The following MRTFB variants were observed in gnomAD, a reference collection of about 807,000 sequenced individuals.
MRTFB encodes the protein myocardin related transcription factor B.
Under a neutral mutation model 104.2 loss-of-function variants are expected in MRTFB, and 29 were observed. The observed-to-expected ratio is 0.28, with a 90% CI of 0.21 to 0.38. MRTFB has a LOEUF of 0.38. Among genes scored for constraint, MRTFB ranks in the 10% least tolerant of loss-of-function variants. The probability of loss-of-function intolerance (pLI) is 1.00; values close to 1 mark genes in which losing one functional copy is unlikely to be tolerated. For missense variants in MRTFB, 1,270 were observed against 1,341.6 expected, an observed-to-expected ratio of 0.95 and a Z score of 0.83; for synonymous variants, 535 against 519.5, an observed-to-expected ratio of 1.03 and a Z score of -0.41.
At chr16:14,017,617 A>G in the MRTFB span, among the ~76,000 whole-genome samples, 7 of 85,848 alleles carry the variant, frequency 8.2e-5, no homozygotes, top group South Asian at 3.3e-4. Flanking sequence ...ATATATATAT[A>G]TATATATATA....
At chr16:14,254,305 C>T (rs1241647611) in intron 15 of MRTFB, among the ~76,000 whole-genome samples, 1 of 152,208 alleles carries the variant, frequency 6.6e-6, no homozygotes, top group Non-Finnish European at 1.5e-5. Context: ...TGGGTCATAA[C>T]AAAAAGCAAC....
intron 2 of MRTFB, among the ~76,000 whole-genome samples, chr16:14,105,486 C>T (rs972090669): frequency 6.6e-6 from 1 of 152,006 alleles, no homozygotes; most frequent in Non-Finnish European, 1.5e-5. Context: ...CAGCCTTAAA[C>T]TCCTGTGCTC....
At chr16:14,069,220 G>T (rs1202047060), upstream of MRTFB, among the ~76,000 whole-genome samples, 2 of 152,034 alleles carry the variant, frequency 1.3e-5, no homozygotes, top group South Asian at 2.1e-4. Context: ...ATCCACCTGC[G>T]TCAGCCTCCC....
intron 11 of MRTFB, 113 bp downstream of exon 11, chr16:14,245,773 A>G (rs1016689654): frequency 4.3e-6 from 5 of 1,158,064 alleles, no homozygotes; most frequent in Admixed American, 2.5e-5. Context: ...CAACTTTACC[A>G]ACAATATGAT....
chr16:14,214,241 CCAT>C lies in MRTFB; in HGVS notation c.352+624_352+626del, dbSNP rs2041319887. On this transcript the variant is annotated intron_variant, in intron 6 of 16. Transcript: ENST00000571589. ...GCATTCTCGAAAGCTTATACCTCCA[CCAT>C]CAACTCCCAAGTTACATTTTCTTTC... Among the ~76,000 whole-genome samples, 5 of 152,324 alleles carry C rather than the reference CCAT, an allele frequency of 3.3e-5. No homozygotes were observed. The South Asian group carries it at 1.0e-3, about 32-fold the overall frequency.
intron 13 of MRTFB, 95 bp from the exon 14 acceptor site, chr16:14,251,767 A>G: frequency 2.2e-6 from 3 of 1,366,524 alleles, no homozygotes; most frequent in South Asian, 1.3e-5. Flanking sequence ...CTTTACAGAA[A>G]AAGTTTGCTG....
intron 2 of MRTFB, among the ~76,000 whole-genome samples, chr16:14,133,328 T>C (rs1477538263): frequency 6.6e-6 from 1 of 152,248 alleles, no homozygotes; most frequent in Non-Finnish European, 1.5e-5. Flanking sequence ...AAACTTAGTT[T>C]TTCAGTTTAC....
chr16:14,010,294 A>G, the MRTFB span, among the ~76,000 whole-genome samples: 1 of 152,050 alleles, frequency 6.6e-6, no homozygotes, highest in Non-Finnish European at 1.5e-5. Context: ...CATGGAGTGG[A>G]TCTCAGTAGA....
At chr16:14,064,131 A>G in the MRTFB span, among the ~76,000 whole-genome samples, 2 of 152,210 alleles carry the variant, frequency 1.3e-5, no homozygotes, top group African/African-American at 2.4e-5. Flanking sequence ...CAGCCTCGTC[A>G]GCATCTGTTA....
At chr16:14,007,975 G>T in the MRTFB span, among the ~76,000 whole-genome samples, 3 of 152,190 alleles carry the variant, frequency 2.0e-5, no homozygotes, top group East Asian at 5.8e-4. Context: ...CTAGGCACAA[G>T]TCTCTTATCA....
rs1256529118 is a variant in MRTFB at position 14,090,913 on chromosome 16, T to C, written c.-64+11559T>C. ...GTGTGTGTGTGTGTGTGTGTGTGTG[T>C]GTGTGTGTAGTTCTGTATAGTCACA... On this transcript the variant is annotated intron_variant, in intron 2 of 16. Transcript: ENST00000571589. 2.0e-5 allele frequency among the ~76,000 whole-genome samples: 3 copies of C among 151,802 alleles called. No individual in the cohort carries two copies. In the East Asian group the frequency reaches 5.8e-4, roughly 29 times the overall value.
At chr16:14,090,156 A>T (rs1051579971) in intron 2 of MRTFB, among the ~76,000 whole-genome samples, 7 of 152,154 alleles carry the variant, frequency 4.6e-5, no homozygotes, top group African/African-American at 1.7e-4. Flanking sequence ...GATGAAGTCC[A>T]GTTTTCCAAT....
At chr16:14,137,952 T>A (rs2037806258) in intron 2 of MRTFB, among the ~76,000 whole-genome samples, 1 of 152,060 alleles carries the variant, frequency 6.6e-6, no homozygotes, top group African/African-American at 2.4e-5. Context: ...CCATCTCTTT[T>A]TAGTTACTCA....
chr16:14,208,239 C>G (rs2041035923), intron 3 of MRTFB, among the ~76,000 whole-genome samples: 1 of 152,110 alleles, frequency 6.6e-6, no homozygotes. Context: ...CTGAAATGAC[C>G]AATGTACAAT....
At chr16:14,071,680 T>A (rs2033705495) in intron 1 of MRTFB, among the ~76,000 whole-genome samples, 2 of 152,164 alleles carry the variant, frequency 1.3e-5, no homozygotes, top group Non-Finnish European at 2.9e-5. Context: ...TTATGGAGCC[T>A]CTGCTGTGTG....
intron 1 of MRTFB, among the ~76,000 whole-genome samples, chr16:14,072,118 C>T (rs906981526): frequency 1.1e-4 from 17 of 152,158 alleles, no homozygotes; most frequent in African/African-American, 3.9e-4. Flanking sequence ...GGAAACTCTT[C>T]TCTAAAAGTT....
intron 7 of MRTFB, among the ~76,000 whole-genome samples, chr16:14,218,082 C>T (rs926837992): frequency 7.2e-5 from 11 of 152,146 alleles, no homozygotes; most frequent in African/African-American, 1.9e-4. Context: ...TTTTTTGAGA[C>T]GGAGTCTGGC....
chr16:14,217,264 C>T lies in MRTFB; in HGVS notation c.491C>T (p.Ser164Phe). The T allele has an allele frequency of 1.2e-6, 2 of 1,608,300 alleles. No individual in the cohort carries two copies. Among genetic ancestry groups the T allele is most frequent in the Non-Finnish European group, 1.7e-6 (2 of 1,178,048 alleles). The change falls in exon 7 of 17, where the codon TCC becomes TTC. Residue 164 changes from serine (S) to phenylalanine (F), a missense_variant. Physicochemically the swap from Ser to Phe is radical, Grantham distance 155. Around this residue, in one of 3 missense-constraint regions of MRTFB, gnomAD observed 64 missense variants for 152.9 expected, o/e 0.42. Coordinates refer to ENST00000571589, the MANE Select transcript of MRTFB (RefSeq NM_001308142.2). ...LVEKNILPVD[S>F]SVKEAIIGVG... is the part of the protein sequence containing the mutation. ...GAGAAAAACATCCTTCCTGTGGACT[C>T]CAGTGTTAAAGAAGCAATTATAGGC...
chr16:14,200,027 A>T (rs950229626), intron 3 of MRTFB: 2 of 391,798 alleles, frequency 5.1e-6, no homozygotes, highest in Non-Finnish European at 9.1e-6. Flanking sequence ...GGGGAAAAAT[A>T]AAAAGGTACT....
Sources: gnomAD v4.1 joint callset for allele counts (sites outside exome capture counted in the v4.1 genomes callset) on GRCh38, gnomAD v4.1.1 for gene constraint, gnomAD v4.1.1 regional missense constraint, MANE v1.5 for transcripts, NCBI Gene and HGNC (gene_info 2026-07-23, HGNC 2026-07-21) for gene names.